CUL1: variants seen among roughly 807,000 people sequenced by gnomAD.
CUL1 encodes the protein cullin 1.
A neutral mutation model predicts 118.0 loss-of-function variants in CUL1; 24 were observed. The ratio of observed to expected loss-of-function variants is 0.20; its 90% CI spans 0.15 to 0.29. The LOEUF (loss-of-function observed/expected upper bound fraction) is 0.29. Ranked by LOEUF, CUL1 falls within the 10% of genes least tolerant of loss-of-function variation. The pLI is 1.00. For synonymous variants in CUL1, 332 were observed against 340.4 expected (o/e 0.98, Z 0.27); for missense variants, 361 against 933.8 (o/e 0.39, Z 7.99).
At chr7:148,784,514 G>T (rs1375871233) in intron 11 of CUL1, among the ~76,000 whole-genome samples, 1 of 152,112 alleles carries the variant, frequency 6.6e-6, no homozygotes, top group Non-Finnish European at 1.5e-5. Context: ...CAATTTATGT[G>T]TATTAAGATC....
At chr7:148,737,299 T>C (rs1798979514) in intron 2 of CUL1, among the ~76,000 whole-genome samples, 1 of 152,096 alleles carries the variant, frequency 6.6e-6, no homozygotes, top group South Asian at 2.1e-4. Flanking sequence ...TTGAACATTA[T>C]GTAACACATT....
intron 1 of CUL1, among the ~76,000 whole-genome samples, chr7:148,699,781 T>C (rs761327558): frequency 4.6e-5 from 7 of 152,014 alleles, no homozygotes; most frequent in Non-Finnish European, 7.4e-5. Context: ...CGCTCGCTAG[T>C]CGGGCCGGGC....
At chr7:148,711,558 C>T (rs922426899) in intron 1 of CUL1, among the ~76,000 whole-genome samples, 2 of 152,152 alleles carry the variant, frequency 1.3e-5, no homozygotes, top group African/African-American at 4.8e-5. Flanking sequence ...AGCACGGTAG[C>T]GCCGTTTCTC....
intron 9 of CUL1, among the ~76,000 whole-genome samples, chr7:148,779,503 A>G (rs1167668038): frequency 6.6e-6 from 1 of 152,226 alleles, no homozygotes; most frequent in African/African-American, 2.4e-5. Flanking sequence ...GATCCCAGAC[A>G]CAACAAAGCC....
At chr7:148,785,389 TACTC>T (rs1288448357) in intron 11 of CUL1, among the ~76,000 whole-genome samples, 2 of 151,938 alleles carry the variant, frequency 1.3e-5, no homozygotes, top group East Asian at 3.9e-4. Context: ...GACTTAGTCT[TACTC>T]TGTCGCCCAT....
intron 7 of CUL1, among the ~76,000 whole-genome samples, chr7:148,765,736 A>C (rs1799983245): frequency 6.6e-6 from 1 of 152,168 alleles, no homozygotes; most frequent in Non-Finnish European, 1.5e-5. Flanking sequence ...ATTTATTGAA[A>C]TTTCTTCCTT....
intron 9 of CUL1, among the ~76,000 whole-genome samples, chr7:148,777,570 G>A (rs1800442943): frequency 6.6e-6 from 1 of 152,230 alleles, no homozygotes; most frequent in South Asian, 2.1e-4. Context: ...GTCTGCACGT[G>A]TTGGAGAGTT....
intron 1 of CUL1, among the ~76,000 whole-genome samples, chr7:148,713,153 T>C (rs1302822420): frequency 1.3e-5 from 2 of 152,214 alleles, no homozygotes; most frequent in Non-Finnish European, 2.9e-5. Context: ...CGTTTTTTCT[T>C]GCCCTAAAGT....
intron 12 of CUL1, 126 bp downstream of exon 12, chr7:148,786,725 G>A (rs1163631864): frequency 2.2e-6 from 2 of 893,178 alleles, no homozygotes; most frequent in Non-Finnish European, 3.5e-6. Flanking sequence ...TGAATCTCTG[G>A]TTTTACTTCC....
intron 1 of CUL1, among the ~76,000 whole-genome samples, chr7:148,726,833 C>CAAA (rs11408081): frequency 1.9e-3 from 251 of 131,626 alleles, no homozygotes; most frequent in South Asian, 0.012. Flanking sequence ...CCATCTCTAC[C>CAAA]AAAAAAAAAA....
intron 20 of CUL1, among the ~76,000 whole-genome samples, 174 bp downstream of exon 20, chr7:148,798,851 C>T (rs1379748255): frequency 1.3e-5 from 2 of 152,036 alleles, no homozygotes; most frequent in African/African-American, 4.8e-5. Flanking sequence ...CTGAATTAGT[C>T]CTTTATGTCA....
At chr7:148,774,646 AC>A (rs1800338271) in intron 9 of CUL1, among the ~76,000 whole-genome samples, 1 of 152,216 alleles carries the variant, frequency 6.6e-6, no homozygotes, top group South Asian at 2.1e-4. Flanking sequence ...AGAAGTAGCA[AC>A]AAAAAAGCAC....
chr7:148,720,216 G>T (rs1303686376), intron 1 of CUL1, among the ~76,000 whole-genome samples: 1 of 152,184 alleles, frequency 6.6e-6, no homozygotes, highest in East Asian at 1.9e-4. Context: ...TCAGTTAACA[G>T]AGTGAGTGCC....
chr7:148,739,179 T>C (rs1227422229), intron 2 of CUL1, among the ~76,000 whole-genome samples: 1 of 152,206 alleles, frequency 6.6e-6, no homozygotes, highest in Non-Finnish European at 1.5e-5. Flanking sequence ...CGCTTTTTCC[T>C]CAGGTCTCAT....
At chr7:148,729,528 T>G (rs1798688065) in intron 1 of CUL1, among the ~76,000 whole-genome samples, 1 of 152,218 alleles carries the variant, frequency 6.6e-6, no homozygotes, top group South Asian at 2.1e-4. Context: ...GAGTTCTAAG[T>G]GAAGAGCTAC....
At chr7:148,774,536 A>G (rs1800333960) in intron 9 of CUL1, among the ~76,000 whole-genome samples, 1 of 152,246 alleles carries the variant, frequency 6.6e-6, no homozygotes, top group Non-Finnish European at 1.5e-5. Context: ...ACAGTTGCTC[A>G]GCAGTCTGGA....
At chr7:148,773,575 A>C (rs1800293825) in intron 9 of CUL1, among the ~76,000 whole-genome samples, 1 of 152,140 alleles carries the variant, frequency 6.6e-6, no homozygotes. Flanking sequence ...CCTCTTACCC[A>C]GCGAGGATCT....
At chr7:148,734,251 CTGTG>C (rs144972709) in intron 2 of CUL1, among the ~76,000 whole-genome samples, 1 of 151,506 alleles carries the variant, frequency 6.6e-6, no homozygotes, top group African/African-American at 2.4e-5. Context: ...CATGCAGCAA[CTGTG>C]TGTGTGTGTA....
At chr7:148,796,112 T>C (rs1185194356) in intron 17 of CUL1, among the ~76,000 whole-genome samples, 2 of 152,224 alleles carry the variant, frequency 1.3e-5, no homozygotes, top group Non-Finnish European at 2.9e-5. Context: ...AGAGTGATGG[T>C]GTTAGCTGTG....
Sources: gnomAD v4.1 joint callset for allele counts (sites outside exome capture counted in the v4.1 genomes callset) on GRCh38, gnomAD v4.1.1 for gene constraint, MANE v1.5 for transcripts, NCBI Gene and HGNC (gene_info 2026-07-23, HGNC 2026-07-21) for gene names.